SP140L: variants seen among roughly 807,000 people sequenced by gnomAD.
SP140L encodes the protein SP140 like nuclear body protein.
A neutral mutation model predicts 84.3 loss-of-function variants in SP140L; 64 were observed. The ratio of observed to expected loss-of-function variants is 0.76; its 90% CI spans 0.62 to 0.94. SP140L has a LOEUF of 0.94. Ranked by LOEUF, SP140L falls within the 40% of genes least tolerant of loss-of-function variation. The pLI, the probability that SP140L is intolerant of heterozygous loss-of-function variation, is 0.00. For synonymous variants in SP140L, 242 were observed against 236.9 expected (o/e 1.02, Z -0.20); for missense variants, 628 against 692.5 (o/e 0.91, Z 1.05).
intron 2 of SP140L, among the ~76,000 whole-genome samples, chr2:230,339,637 C>T (rs1382830816): frequency 6.8e-6 from 1 of 147,102 alleles, no homozygotes; most frequent in Non-Finnish European, 1.5e-5. Context: ...GCATTTAGTG[C>T]TATAAATTTC....
At chr2:230,393,627 G>T (rs2061920886) in intron 13 of SP140L, among the ~76,000 whole-genome samples, 166 bp downstream of exon 13, 1 of 152,026 alleles carries the variant, frequency 6.6e-6, no homozygotes, top group Non-Finnish European at 1.5e-5. Context: ...TTACTACTTT[G>T]AATACTTTGT....
chr2:230,343,001 T>C (rs1180346124), intron 2 of SP140L, among the ~76,000 whole-genome samples: 1 of 152,236 alleles, frequency 6.6e-6, no homozygotes, highest in East Asian at 1.9e-4. Context: ...TCCAAGTGTT[T>C]ATAGCTATAA....
chr2:230,351,981 C>A (rs573221322), intron 2 of SP140L, among the ~76,000 whole-genome samples: 3 of 152,156 alleles, frequency 2.0e-5, no homozygotes, highest in African/African-American at 4.8e-5. Flanking sequence ...TGGTTGCAAG[C>A]ACACCATACT....
chr2:230,355,135 A>C (rs953281333), intron 2 of SP140L, among the ~76,000 whole-genome samples: 1 of 152,126 alleles, frequency 6.6e-6, no homozygotes, highest in Non-Finnish European at 1.5e-5. Context: ...AAAGGAAATA[A>C]TTGTTATTTT....
At chr2:230,357,709 T>G in intron 2 of SP140L, 96 bp from the exon 3 acceptor site, 1 of 1,269,166 alleles carries the variant, frequency 7.9e-7, no homozygotes, top group Non-Finnish European at 1.1e-6. Context: ...ATATGTTGGT[T>G]CTTCATAGCT....
At position 230,401,789 on chromosome 2, in the gene SP140L, C is replaced by T. The variant is rs776529287; in HGVS notation, c.1626C>T (p.Asn542=). The T allele has an allele frequency of 3.3e-6, 5 of 1,515,632 alleles. No homozygotes were observed. The East Asian group carries it at 6.8e-5, about 21-fold the overall frequency. The allele number at this position is 1,515,632 out of a possible 1,614,324, so 93.9% of individuals were successfully genotyped here. Residue 542 remains asparagine (N), a synonymous_variant, in exon 18 of 19, where the codon AAC becomes AAT. Coordinates refer to ENST00000415673, the MANE Select transcript of SP140L (RefSeq NM_138402.6). ...FVQDMRLIFQ[N]HRASYKYKDF... is the part of the protein sequence containing the mutation. ...AAGACATGCGCCTCATCTTCCAGAA[C>T]CACAGGGCCTCTTACAAGGTAGGTG...
chr2:230,346,882 T>G (rs1219070649), intron 2 of SP140L, among the ~76,000 whole-genome samples: 1 of 152,280 alleles, frequency 6.6e-6, no homozygotes, highest in Non-Finnish European at 1.5e-5. Flanking sequence ...GACCTTCATT[T>G]CTTTAGAGTC....
At chr2:230,379,995 C>T (rs773322802) in intron 7 of SP140L, among the ~76,000 whole-genome samples, 28 of 152,274 alleles carry the variant, frequency 1.8e-4, no homozygotes, top group Middle Eastern at 3.4e-3. Context: ...CCTGCTTTAT[C>T]GCTTTTCTAT....
rs144040574 is a variant in SP140L at position 230,361,061 on chromosome 2, C to T, written c.440-553C>T. ...ACTTCCTGGACTCAAGCAGTTCTCC[C>T]GCTTCAGCCTTCTGAGTAGCTGGGA... On this transcript the variant is annotated intron_variant, in intron 4 of 18. Coordinates refer to ENST00000415673, the MANE Select transcript of SP140L (RefSeq NM_138402.6). Among the ~76,000 whole-genome samples, 717 of 152,258 alleles carry T rather than the reference C, an allele frequency of 4.7e-3. 6 individuals carry two copies. Among genetic ancestry groups the T allele is most frequent in the African/African-American group, 0.015 (641 of 41,548 alleles).
intron 11 of SP140L, 187 bp from the exon 12 acceptor site, chr2:230,391,900 G>A: frequency 1.5e-6 from 1 of 681,688 alleles, no homozygotes. Context: ...ACCCCCACCA[G>A]GAAATATACT....
chr2:230,377,389 C>T (rs2061276343), intron 7 of SP140L, among the ~76,000 whole-genome samples: 1 of 152,124 alleles, frequency 6.6e-6, no homozygotes, highest in African/African-American at 2.4e-5. Flanking sequence ...TAAATGAATT[C>T]ATACAGTATT....
At chr2:230,382,203 G>A (rs964891385) in intron 7 of SP140L, among the ~76,000 whole-genome samples, 1 of 146,850 alleles carries the variant, frequency 6.8e-6, no homozygotes, top group Non-Finnish European at 1.5e-5. Context: ...AACAGGGGTA[G>A]GGACAATGTC....
At position 230,392,100 on chromosome 2, in the gene SP140L, G is replaced by A. The variant is rs544262876; in HGVS notation, c.978G>A (p.Lys326=). ...KEKLEQGTLA[K]CIQTEDGKWF... ...CTGGTCTTACAGGAACCTTGGCAAA[G>A]TGTATACAGACTGAGGATGGAAAAT... Residue 326 remains lysine, a synonymous_variant, in exon 12 of 19, where the codon AAG becomes AAA. Transcript: ENST00000415673. 22 of 1,613,936 alleles carry A rather than the reference G, an allele frequency of 1.4e-5. No homozygotes were observed. The East Asian group carries it at 4.7e-4, about 34-fold the overall frequency.
At chr2:230,347,794 A>G (rs144824717) in intron 2 of SP140L, among the ~76,000 whole-genome samples, 1 of 152,320 alleles carries the variant, frequency 6.6e-6, no homozygotes, top group East Asian at 1.9e-4. Flanking sequence ...TAGGCACCCA[A>G]GCCAGTTAGA....
chr2:230,397,541 G>T (rs1445022640), intron 14 of SP140L, among the ~76,000 whole-genome samples: 1 of 152,154 alleles, frequency 6.6e-6, no homozygotes, highest in Admixed American at 6.5e-5. Flanking sequence ...CCTGCTTTGG[G>T]TTCTGCTGAA....
intron 2 of SP140L, among the ~76,000 whole-genome samples, chr2:230,354,919 AAG>A (rs2060494863): frequency 1.7e-5 from 2 of 114,848 alleles, no homozygotes; most frequent in Admixed American, 9.0e-5. Context: ...AAGAAAGAAA[AAG>A]AAAGAAAAAA....
intron 5 of SP140L, among the ~76,000 whole-genome samples, chr2:230,369,885 T>C (rs1455310971): frequency 6.6e-6 from 1 of 152,196 alleles, no homozygotes; most frequent in Non-Finnish European, 1.5e-5. Flanking sequence ...GTGATTCTCC[T>C]GCCTCAGCCT....
At chr2:230,365,787 A>T (rs1468470625) in intron 5 of SP140L, among the ~76,000 whole-genome samples, 2 of 151,804 alleles carry the variant, frequency 1.3e-5, no homozygotes, top group Non-Finnish European at 2.9e-5. Flanking sequence ...CTCTTCTTTG[A>T]ACTGCTTTTG....
At chr2:230,356,721 A>G (rs1252817183) in intron 2 of SP140L, among the ~76,000 whole-genome samples, 1 of 152,150 alleles carries the variant, frequency 6.6e-6, no homozygotes, top group Non-Finnish European at 1.5e-5. Context: ...GGGCACCACG[A>G]TTGCTTTCCT....
Sources: allele counts gnomAD v4.1 joint callset (sites outside exome capture counted in the v4.1 genomes callset), GRCh38; gene constraint gnomAD v4.1.1; transcripts MANE v1.5; gene names NCBI Gene and HGNC (gene_info 2026-07-23, HGNC 2026-07-21).